Variants in TRIOBP observed in about 807,000 individuals in gnomAD.
TRIOBP encodes TRIO and F-actin binding protein.
In TRIOBP, 169 loss-of-function variants were observed where a neutral mutation model predicts 238.8. The observed-to-expected ratio is 0.71, with a 90% CI of 0.62 to 0.80. The LOEUF is 0.80. Ranked by LOEUF, TRIOBP falls within the 30% of genes least tolerant of loss-of-function variation. TRIOBP has a pLI of 0.00. For synonymous variants in TRIOBP, 1,150 were observed against 1,274.4 expected (o/e 0.90, Z 2.08); for missense variants, 2,838 against 3,122.6 (o/e 0.91, Z 2.17).
intron 11 of TRIOBP, among the ~76,000 whole-genome samples, chr22:37,750,008 G>A (rs942842557): frequency 6.6e-6 from 1 of 152,118 alleles, no homozygotes. Flanking sequence ...CTGTGTCATG[G>A]CGTGCCTGAC....
At chr22:37,741,385 G>T (rs1249475285) in intron 11 of TRIOBP, among the ~76,000 whole-genome samples, 1 of 152,212 alleles carries the variant, frequency 6.6e-6, no homozygotes, top group African/African-American at 2.4e-5. Flanking sequence ...GTGGCTCTGG[G>T]ATTGCAAAGT....
intron 7 of TRIOBP, among the ~76,000 whole-genome samples, chr22:37,730,571 T>C (rs1924373630): frequency 6.6e-6 from 1 of 152,156 alleles, no homozygotes. Context: ...TCGAAGCTCC[T>C]ATACCCCAGT....
At chr22:37,721,121 G>A (rs936918981) in intron 6 of TRIOBP, among the ~76,000 whole-genome samples, 12 of 150,856 alleles carry the variant, frequency 8.0e-5, no homozygotes, top group South Asian at 4.2e-4. Context: ...CGCCCGCCTC[G>A]GCCTCCCAAA....
intron 7 of TRIOBP, among the ~76,000 whole-genome samples, chr22:37,729,503 C>A (rs1021652552): frequency 6.6e-6 from 1 of 152,144 alleles, no homozygotes; most frequent in East Asian, 1.9e-4. Flanking sequence ...TTTATGATTA[C>A]TATTTCTTGT....
chr22:37,755,369 G>A (rs924617221), intron 14 of TRIOBP, 179 bp downstream of exon 14: 12 of 904,920 alleles, frequency 1.3e-5, no homozygotes, highest in South Asian at 1.3e-4. Context: ...TGGGGGAGAC[G>A]CTGGAGCCAG....
chr22:37,769,228 G>A (rs754489874), intron 20 of TRIOBP, 34 bp from the exon 21 acceptor site: 128 of 1,603,494 alleles, frequency 8.0e-5, no homozygotes, highest in Non-Finnish European at 9.4e-5. Context: ...GGTGGGTCCC[G>A]GCACCCCTCC....
chr22:37,761,639 G>A (rs577523494), intron 17 of TRIOBP, among the ~76,000 whole-genome samples: 1 of 152,286 alleles, frequency 6.6e-6, no homozygotes, highest in Admixed American at 6.5e-5. Context: ...AGGAGAATTT[G>A]GGACTGGATG....
intron 11 of TRIOBP, chr22:37,751,279 GC>G (rs1312717121): frequency 1.2e-5 from 4 of 345,480 alleles, no homozygotes; most frequent in Non-Finnish European, 2.4e-5. Context: ...CCTGTGACTG[GC>G]TCCACCTCCC....
intron 3 of TRIOBP, among the ~76,000 whole-genome samples, chr22:37,701,855 C>T (rs113355653): frequency 2.6e-5 from 4 of 152,162 alleles, no homozygotes; most frequent in Admixed American, 2.6e-4. Flanking sequence ...AGGCTGGGCA[C>T]GGTGGCTCAC....
intron 3 of TRIOBP, among the ~76,000 whole-genome samples, chr22:37,708,499 C>T (rs1383972324): frequency 2.6e-5 from 4 of 152,090 alleles, no homozygotes; most frequent in African/African-American, 7.2e-5. Context: ...TGCAGTGAGC[C>T]GAGACTGCAC....
chr22:37,725,771 G>A lies in TRIOBP; in HGVS notation c.3215G>A (p.Arg1072Gln), dbSNP rs1413312491. Residue 1072 changes from arginine to glutamine, a missense_variant, in exon 7 of 24, where the codon CGG becomes CAG. By Grantham distance (43) the Arg-to-Gln change is conservative. Around this residue, in one of 5 missense-constraint regions of TRIOBP, gnomAD observed 2,096 missense variants for 2,137.4 expected, o/e 0.98. Transcript: ENST00000644935. ...TGCATTGGACACCGAGATGCCCCCC[G>A]GGCGTCCTCGCCCCCCCGCCACACC... ...AVCIGHRDAP[R>Q]ASSPPRHTQF... 6 of 1,554,894 alleles carry A rather than the reference G, an allele frequency of 3.9e-6. No homozygotes were observed. Among genetic ancestry groups the A allele is most frequent in the Middle Eastern group, 1.7e-4 (1 of 5,876 alleles).
At chr22:37,718,212 C>T (rs10854704) in intron 6 of TRIOBP, among the ~76,000 whole-genome samples, 81,830 of 152,120 alleles carry the variant, frequency 0.54, 22,740 homozygotes, top group East Asian at 0.7. Flanking sequence ...GGTTCCCGCT[C>T]GCGCCTCTCC....
At chr22:37,715,223 C>T (rs1923451936) in intron 5 of TRIOBP, among the ~76,000 whole-genome samples, 1 of 152,190 alleles carries the variant, frequency 6.6e-6, no homozygotes. Flanking sequence ...CCATGTTGGC[C>T]AGGCTGGTTT....
chr22:37,765,333 T>C (rs1003822418), intron 17 of TRIOBP, among the ~76,000 whole-genome samples: 3 of 152,094 alleles, frequency 2.0e-5, no homozygotes, highest in African/African-American at 7.2e-5. Flanking sequence ...TGGGAATAGC[T>C]AAAGCTCAGA....
intron 11 of TRIOBP, chr22:37,751,402 G>A: frequency 5.4e-6 from 2 of 372,320 alleles, no homozygotes; most frequent in South Asian, 2.2e-5. Context: ...AGTGCTGCTG[G>A]TCTGGACTGC....
chr22:37,759,033 A>G (rs752351748), intron 16 of TRIOBP, 121 bp from the exon 17 acceptor site: 8 of 834,002 alleles, frequency 9.6e-6, no homozygotes, highest in South Asian at 8.8e-5. Flanking sequence ...AGGCATTCCT[A>G]AGCCTTCCAG....
Position 37,725,050 on chromosome 22 carries a change from G to C in TRIOBP, c.2494G>C (p.Asp832His). 6.2e-7 allele frequency: 1 copy of C among 1,614,098 alleles called. No individual in the cohort carries two copies. The highest frequency in any genetic ancestry group is 1.3e-5 in the African/African-American group (1 of 75,002). ...CCCCAGATCATCTTCTACCCAACAA[G>C]ACAACCCTAAAACCTCTTGTACCAA... is the stretch of plus-strand genomic sequence containing the variant. ...NIPRSSSTQQ[D>H]NPKTSCTKRD... Residue 832 changes from aspartate (D) to histidine (H), a missense_variant, in exon 7 of 24, where the codon GAC (aspartate) becomes CAC (histidine). Coordinates refer to ENST00000644935, the MANE Select transcript of TRIOBP (RefSeq NM_001039141.3).
chr22:37,757,967 G>A lies in TRIOBP; in HGVS notation c.6042G>A (p.Leu2014=), dbSNP rs997699130. The part of the protein sequence containing the change: ...EGPRRGLGAP[L]TEDQQNRLSE... ...CGCGCCGGGGCCTGGGTGCCCCCCT[G>A]ACTGAGGACCAGCAAAACCGGCTTA... The change falls in exon 16 of 24, where the codon CTG becomes CTA. Residue 2014 remains leucine (L), a synonymous_variant. Coordinates refer to ENST00000644935, the MANE Select transcript of TRIOBP (RefSeq NM_001039141.3). 2 of 1,575,006 alleles carry A rather than the reference G, an allele frequency of 1.3e-6. No individual in the cohort carries two copies. The highest frequency in any genetic ancestry group is 3.7e-5 in the Admixed American group (2 of 53,444).
chr22:37,757,140 G>T (rs754668175), intron 15 of TRIOBP, among the ~76,000 whole-genome samples: 1 of 152,080 alleles, frequency 6.6e-6, no homozygotes, highest in African/African-American at 2.4e-5. Flanking sequence ...GGTGGGAGGA[G>T]CACGTGAGCC....
Sources: allele counts gnomAD v4.1 joint callset (sites outside exome capture counted in the v4.1 genomes callset), GRCh38; gene constraint gnomAD v4.1.1; regional missense constraint gnomAD v4.1.1; transcripts MANE v1.5; gene names NCBI Gene and HGNC (gene_info 2026-07-23, HGNC 2026-07-21).